Variants in EPN3 observed in about 807,000 individuals in gnomAD.
EPN3 encodes epsin-3.
In EPN3, 56 loss-of-function variants were observed where a neutral mutation model predicts 55.5. The observed-to-expected ratio is 1.01, with a 90% CI of 0.81 to 1.26. EPN3 has a LOEUF of 1.26. Among genes scored for constraint, EPN3 ranks in the 50% most tolerant of loss-of-function variants. The pLI is 0.00. For missense variants in EPN3, 927 were observed against 853.4 expected (o/e 1.09, Z -1.07); for synonymous variants, 449 against 375.2 (o/e 1.20, Z -2.27).
Position 50,541,933 on chromosome 17 carries a change from C to T in EPN3, c.1675C>T (p.Leu559=). The change falls in exon 10 of 10, where the codon CTG becomes TTG. Residue 559 remains leucine (L), a synonymous_variant. Coordinates refer to ENST00000268933, the MANE Select transcript of EPN3 (RefSeq NM_017957.3). Reference sequence around the variant, plus strand: ...CCAGATGCGCACCGGCTCGCCGGCGCTGGGCCTGGCAGGCGGGCCTGTGGG... The same window carrying T: ...CCAGATGCGCACCGGCTCGCCGGCGTTGGGCCTGGCAGGCGGGCCTGTGGG... ...LNQMRTGSPA[L]GLAGGPVGAP... The T allele has an allele frequency of 6.3e-7, 1 of 1,599,070 alleles. No individual in the cohort carries two copies. Among genetic ancestry groups the T allele is most frequent in the East Asian group, 2.2e-5 (1 of 44,774 alleles).
In EPN3 at chr17:50,541,072, G is replaced by A. The variant is rs542448631; in HGVS notation, c.1249+10G>A. On this transcript the variant is annotated intron_variant, in intron 7 of 9. Transcript: ENST00000268933. ...ACCTCCGACACACCTGGTAAGAAGAGGGCCAGAGAGTGTGAGTGAGGAGCT... is the reference window on the plus strand; with the variant it reads ...ACCTCCGACACACCTGGTAAGAAGAAGGCCAGAGAGTGTGAGTGAGGAGCT... 1.2e-5 allele frequency: 19 copies of A among 1,571,860 alleles called. No homozygotes were observed. The highest frequency in any genetic ancestry group is 1.5e-5 in the Non-Finnish European group (17 of 1,160,734).
chr17:50,536,183 C>G (rs1284007646), intron 1 of EPN3: 2 of 256,352 alleles, frequency 7.8e-6, no homozygotes, highest in East Asian at 1.9e-4. Context: ...CCCCACCTTT[C>G]CCATCTGTGG....
At position 50,532,793 on chromosome 17, in the gene EPN3, TC is replaced by T. The variant is rs2034688941; in HGVS notation, c.-327del. 1.7e-4 allele frequency: 158 copies of T among 948,520 alleles called. 2 individuals carry two copies. In the South Asian group the frequency reaches 2.3e-3, roughly 14 times the overall value. The allele number at this position is 948,520 out of a possible 1,614,324, so 58.8% of individuals were successfully genotyped here. On this transcript the variant is annotated 5_prime_UTR_variant, in exon 1 of 10. Transcript: ENST00000268933. The stretch of plus-strand genomic sequence containing the variant: ...GCACGCGGGAAGAGCTGCTACCCAT[TC>T]CAGGGACCCTGCCGCTGCCCCTCTG...
At chr17:50,540,578 G>A (rs1286256592) in intron 6 of EPN3, among the ~76,000 whole-genome samples, 2 of 152,192 alleles carry the variant, frequency 1.3e-5, no homozygotes, top group African/African-American at 4.8e-5. Context: ...TGCTCAGCAC[G>A]CCTGGGAAGG....
intron 1 of EPN3, among the ~76,000 whole-genome samples, chr17:50,535,499 T>G (rs944446885): frequency 6.6e-6 from 1 of 152,298 alleles, no homozygotes; most frequent in South Asian, 2.1e-4. Flanking sequence ...TCTCTTGCCT[T>G]CTGGCCCAGG....
At chr17:50,535,852 C>A (rs1275138008) in intron 1 of EPN3, among the ~76,000 whole-genome samples, 3 of 152,194 alleles carry the variant, frequency 2.0e-5, no homozygotes, top group Admixed American at 6.5e-5. Context: ...AGGTCTTAAG[C>A]TAGATCTCAG....
chr17:50,542,240 C>A lies in EPN3; in HGVS notation c.*83C>A. 7.3e-7 allele frequency: 1 copy of A among 1,361,210 alleles called. No homozygotes were observed. The highest frequency in any genetic ancestry group is 9.5e-7 in the Non-Finnish European group (1 of 1,057,640). The allele number at this position is 1,361,210 out of a possible 1,614,324, so 84.3% of individuals were successfully genotyped here. On this transcript the variant is annotated 3_prime_UTR_variant, in exon 10 of 10. Transcript: ENST00000268933. ...CCGGACCCGGGGCTGGGCGGGGCGC[C>A]GGTGCTAGTGGAACGCCGAGCCAGT...
At chr17:50,534,247 TC>T (rs2034725817) in intron 1 of EPN3, among the ~76,000 whole-genome samples, 4 of 152,112 alleles carry the variant, frequency 2.6e-5, no homozygotes, top group Admixed American at 1.3e-4. Flanking sequence ...GCCCCGCCCT[TC>T]CCCCCAGCCC....
In EPN3 at chr17:50,536,995, G is replaced by A. The variant is rs762757943; in HGVS notation, c.439G>A (p.Ala147Thr). ...GCGGCTGCGGCAGGAGCGAACCCAC[G>A]CCCTCAAGACCAAGGAGCGCATGGC... ...EERLRQERTH[A>T]LKTKERMALE... Residue 147 changes from alanine (A) to threonine (T), a missense_variant, in exon 2 of 10, where the codon GCC becomes ACC. Transcript: ENST00000268933. The A allele has an allele frequency of 1.2e-5, 20 of 1,613,460 alleles. No individual in the cohort carries two copies. Among genetic ancestry groups the A allele is most frequent in the Non-Finnish European group, 1.4e-5 (17 of 1,179,976 alleles).
intron 1 of EPN3, chr17:50,536,134 G>A (rs1468995145): frequency 4.0e-5 from 8 of 199,810 alleles, no homozygotes. Context: ...TGGAATTACA[G>A]GCGTGAGCCA....
intron 1 of EPN3, chr17:50,534,414 T>G (rs2034728348): frequency 2.0e-6 from 2 of 985,394 alleles, no homozygotes; most frequent in Non-Finnish European, 2.4e-6. Flanking sequence ...TCTGGTGCAG[T>G]CACAGTGCCC....
Position 50,536,479 on chromosome 17 carries a change from A to C in EPN3, c.-78A>C. On this transcript the variant is annotated 5_prime_UTR_variant, in exon 2 of 10. Transcript: ENST00000268933. Reference sequence around the variant, plus strand: ...CTAACACGGCAGCCCATCCTTCAAGACTGTGACCTCGCCACAGTGGCCCTC... The same window carrying C: ...CTAACACGGCAGCCCATCCTTCAAGCCTGTGACCTCGCCACAGTGGCCCTC... 1 of 1,594,950 alleles carries C rather than the reference A, an allele frequency of 6.3e-7. No individual in the cohort carries two copies. Among genetic ancestry groups the C allele is most frequent in the Non-Finnish European group, 8.5e-7 (1 of 1,175,990 alleles).
intron 1 of EPN3, among the ~76,000 whole-genome samples, chr17:50,535,603 C>A (rs1484853126): frequency 6.6e-6 from 1 of 152,158 alleles, no homozygotes; most frequent in Non-Finnish European, 1.5e-5. Context: ...TCTGTCACCA[C>A]CTCCTCTAGG....
rs1208270209 is a variant in EPN3, at chr17:50,543,072, G to C, written c.*915G>C. On this transcript the variant is annotated 3_prime_UTR_variant, in exon 10 of 10. Transcript: ENST00000268933. The stretch of plus-strand genomic sequence containing the variant: ...AGATTTAATTCAGCAAATATTGACT[G>C]ACTGCTGTGGACAAAGTGCTGGGCT... The C allele has an allele frequency of 6.6e-6, 1 of 152,210 alleles. No individual in the cohort carries two copies. Among genetic ancestry groups the C allele is most frequent in the Non-Finnish European group, 1.5e-5 (1 of 68,040 alleles). The allele number at this position is 152,210 out of a possible 1,614,324, so 9.4% of individuals were successfully genotyped here. A position where few individuals can be genotyped will look rare whatever the true frequency, so the allele number is the denominator to read the frequency against.
At chr17:50,534,591 G>T (rs1350754119) in intron 1 of EPN3, 4 of 985,382 alleles carry the variant, frequency 4.1e-6, no homozygotes, top group Non-Finnish European at 4.8e-6. Context: ...AACAAGTTGT[G>T]GCCGTGGCAT....
At chr17:50,535,377 G>A (rs2034744603) in intron 1 of EPN3, among the ~76,000 whole-genome samples, 1 of 152,202 alleles carries the variant, frequency 6.6e-6, no homozygotes, top group Non-Finnish European at 1.5e-5. Context: ...GATGCAGGCA[G>A]GTCCCATCCC....
At chr17:50,541,150 G>A in intron 7 of EPN3, 79 bp from the exon 8 acceptor site, 2 of 1,601,650 alleles carry the variant, frequency 1.2e-6, no homozygotes, top group Non-Finnish European at 1.7e-6. Flanking sequence ...GTGTTAGGAG[G>A]ACAGCTTCTC....
At chr17:50,533,584 G>A (rs370085214) in intron 1 of EPN3, among the ~76,000 whole-genome samples, 5 of 152,116 alleles carry the variant, frequency 3.3e-5, no homozygotes, top group African/African-American at 9.7e-5. Context: ...CCATCTCTCC[G>A]AAACCCTTGC....
Position 50,541,485 on chromosome 17 carries a change from C to G in EPN3, c.1376C>G (p.Pro459Arg). 6.2e-7 allele frequency: 1 copy of G among 1,614,118 alleles called. No homozygotes were observed. Among genetic ancestry groups the G allele is most frequent in the Non-Finnish European group, 8.5e-7 (1 of 1,180,000 alleles). The part of the protein sequence containing the change: ...SPVELDLFGD[P>R]SPSSKQNGTK... The stretch of plus-strand genomic sequence containing the variant: ...CCAGAGCTGGACCTGTTTGGAGACC[C>G]CAGCCCCAGTTCCAAGCAAAATGGC... The change falls in exon 9 of 10, where the codon CCC becomes CGC. Residue 459 changes from proline to arginine, a missense_variant. Coordinates refer to ENST00000268933, the MANE Select transcript of EPN3 (RefSeq NM_017957.3).
Sources: allele counts gnomAD v4.1 joint callset (sites outside exome capture counted in the v4.1 genomes callset), GRCh38; gene constraint gnomAD v4.1.1; transcripts MANE v1.5; gene names NCBI Gene and HGNC (gene_info 2026-07-23, HGNC 2026-07-21).